WDPCP: variants seen among roughly 807,000 people sequenced by gnomAD.
The protein encoded by WDPCP is WD repeat containing planar cell polarity effector.
In WDPCP, 71 loss-of-function variants were observed where a neutral mutation model predicts 93.1. The observed-to-expected ratio is 0.76, with a 90% CI of 0.63 to 0.93. WDPCP has a LOEUF of 0.93. Ranked by LOEUF, WDPCP falls within the 40% of genes least tolerant of loss-of-function variation. The probability of loss-of-function intolerance (pLI) is 0.00; values close to 1 mark genes in which losing one functional copy is unlikely to be tolerated. For missense variants in WDPCP, 844 were observed against 887.4 expected, an observed-to-expected ratio of 0.95 and a Z score of 0.62; for synonymous variants, 315 against 315.0, an observed-to-expected ratio of 1.00 and a Z score of 0.00.
At chr2:63,837,027 A>G in the WDPCP span, among the ~76,000 whole-genome samples, 1 of 152,216 alleles carries the variant, frequency 6.6e-6, no homozygotes, top group Non-Finnish European at 1.5e-5. Context: ...TACTGCTCTG[A>G]TGTAAAAGTT....
At position 63,149,786 on chromosome 2, in the gene WDPCP, A is replaced by G. The variant is rs72890553; in HGVS notation, c.2190+3128T>C. 4.9e-3 allele frequency among the ~76,000 whole-genome samples: 747 copies of G among 152,282 alleles called. 7 individuals carry two copies. Among genetic ancestry groups the G allele is most frequent in the African/African-American group, 0.017 (716 of 41,566 alleles). On this transcript the variant is annotated intron_variant, in intron 17 of 17. Coordinates refer to ENST00000272321, the MANE Select transcript of WDPCP (RefSeq NM_015910.7). ...AAAGTTCAGAAAGAAGTAAAACTAAACAAGTTGTTAAATGAGTTTGAGACC... is the reference window on the plus strand; with the variant it reads ...AAAGTTCAGAAAGAAGTAAAACTAAGCAAGTTGTTAAATGAGTTTGAGACC...
At chr2:63,327,215 A>G (rs1383852410) in intron 12 of WDPCP, among the ~76,000 whole-genome samples, 1 of 152,222 alleles carries the variant, frequency 6.6e-6, no homozygotes, top group Non-Finnish European at 1.5e-5. Flanking sequence ...AAATTGCCTA[A>G]TAATTGATCT....
At chr2:63,748,198 A>G in intron 2 of WDPCP, among the ~76,000 whole-genome samples, 1 of 151,666 alleles carries the variant, frequency 6.6e-6, no homozygotes, top group Non-Finnish European at 1.5e-5. Context: ...ATTTGAAAGC[A>G]ATGATAGTAT....
chr2:63,422,656 T>C (rs576359161), intron 9 of WDPCP, among the ~76,000 whole-genome samples: 117 of 152,284 alleles, frequency 7.7e-4, no homozygotes, highest in African/African-American at 2.4e-3. Flanking sequence ...GCATTGAACA[T>C]TGAATAGCTG....
intron 1 of WDPCP, among the ~76,000 whole-genome samples, chr2:63,516,779 A>T (rs979200192): frequency 2.0e-5 from 3 of 151,820 alleles, no homozygotes; most frequent in African/African-American, 4.8e-5. Flanking sequence ...GTTTTTTTTT[A>T]AAGTTCTGAT....
intron 10 of WDPCP, among the ~76,000 whole-genome samples, chr2:63,386,956 G>C (rs528562095): frequency 1.3e-5 from 2 of 152,106 alleles, no homozygotes; most frequent in East Asian, 3.9e-4. Context: ...CTGAATCCCT[G>C]AACAGACCAA....
intron 14 of WDPCP, among the ~76,000 whole-genome samples, chr2:63,187,569 ATAACT>A (rs1435659840): frequency 1.3e-5 from 2 of 152,206 alleles, no homozygotes; most frequent in Non-Finnish European, 2.9e-5. Context: ...TTTTAGGCTA[ATAACT>A]TAATTTCAAT....
chr2:63,388,290 C>A (rs919330807), intron 10 of WDPCP, among the ~76,000 whole-genome samples: 7 of 152,120 alleles, frequency 4.6e-5, no homozygotes, highest in African/African-American at 1.7e-4. Context: ...CAAACTCCAA[C>A]AGCCCTGCAG....
chr2:63,666,485 T>G (rs1710284692), intron 2 of WDPCP, among the ~76,000 whole-genome samples: 1 of 152,220 alleles, frequency 6.6e-6, no homozygotes, highest in Non-Finnish European at 1.5e-5. Context: ...AACTCCAGTT[T>G]GAAAGAAATG....
chr2:63,157,220 A>G (rs1001337589), intron 15 of WDPCP, among the ~76,000 whole-genome samples: 3 of 151,946 alleles, frequency 2.0e-5, no homozygotes, highest in African/African-American at 7.2e-5. Flanking sequence ...ACTTAATTCT[A>G]GTATACTATT....
intron 12 of WDPCP, among the ~76,000 whole-genome samples, chr2:63,347,747 C>T (rs561896390): frequency 7.1e-6 from 1 of 140,990 alleles, no homozygotes; most frequent in South Asian, 2.3e-4. Flanking sequence ...CCGCCCCCGA[C>T]TGGATATTCA....
At chr2:63,673,269 G>A (rs1297544425) in intron 2 of WDPCP, among the ~76,000 whole-genome samples, 2 of 152,090 alleles carry the variant, frequency 1.3e-5, no homozygotes, top group African/African-American at 4.8e-5. Flanking sequence ...GGCCAAGGTG[G>A]GATTAGATAG....
intron 2 of WDPCP, among the ~76,000 whole-genome samples, chr2:63,810,947 G>A (rs1670853750): frequency 6.6e-6 from 1 of 152,204 alleles, no homozygotes; most frequent in South Asian, 2.1e-4. Flanking sequence ...AATTTCCTAG[G>A]ACAATTGTAA....
chr2:63,809,294 T>G (rs1267311378), intron 2 of WDPCP, among the ~76,000 whole-genome samples: 5 of 123,634 alleles, frequency 4.0e-5, no homozygotes, highest in Middle Eastern at 6.6e-3. Flanking sequence ...GAGGTGGGGG[T>G]TCAGCCCCCC....
intron 2 of WDPCP, among the ~76,000 whole-genome samples, chr2:63,662,939 G>A (rs1710242376): frequency 6.6e-6 from 1 of 152,158 alleles, no homozygotes; most frequent in Non-Finnish European, 1.5e-5. Context: ...TGAAAACAGT[G>A]CTCTTTACTT....
At chr2:63,291,043 T>A (rs530454944) in intron 13 of WDPCP, among the ~76,000 whole-genome samples, 52 of 152,344 alleles carry the variant, frequency 3.4e-4, no homozygotes, top group African/African-American at 1.2e-3. Flanking sequence ...ACTGAGACTC[T>A]GCTCATTTTT....
At chr2:63,279,725 A>G (rs1683376136) in intron 13 of WDPCP, among the ~76,000 whole-genome samples, 1 of 152,182 alleles carries the variant, frequency 6.6e-6, no homozygotes, top group Non-Finnish European at 1.5e-5. Context: ...AGACACTCCA[A>G]AAAGCTCCTA....
intron 2 of WDPCP, among the ~76,000 whole-genome samples, chr2:63,742,739 A>C (rs1446338227): frequency 6.7e-6 from 1 of 150,048 alleles, no homozygotes; most frequent in Non-Finnish European, 1.5e-5. Flanking sequence ...TGTTCCACAC[A>C]ATGCCACAGA....
intron 15 of WDPCP, among the ~76,000 whole-genome samples, chr2:63,159,298 C>G (rs547269226): frequency 2.0e-5 from 3 of 150,770 alleles, no homozygotes; most frequent in Non-Finnish European, 4.4e-5. Flanking sequence ...CACTAGTTGC[C>G]TAGGCTACCC....
Sources: gnomAD v4.1 joint callset for allele counts (sites outside exome capture counted in the v4.1 genomes callset) on GRCh38, gnomAD v4.1.1 for gene constraint, MANE v1.5 for transcripts, NCBI Gene and HGNC (gene_info 2026-07-23, HGNC 2026-07-21) for gene names.